The following CACTIN variants were observed in gnomAD, a reference collection of about 807,000 sequenced individuals.
CACTIN encodes the protein splicing factor Cactin.
A neutral mutation model predicts 84.9 loss-of-function variants in CACTIN; 20 were observed. The ratio of observed to expected loss-of-function variants is 0.24; its 90% CI spans 0.17 to 0.34. The LOEUF is 0.34. Ranked by LOEUF, CACTIN falls within the 10% of genes least tolerant of loss-of-function variation. CACTIN has a pLI of 1.00. For missense variants in CACTIN, 897 were observed against 1,117.2 expected, an observed-to-expected ratio of 0.80 and a Z score of 2.81; for synonymous variants, 549 against 467.9, an observed-to-expected ratio of 1.17 and a Z score of -2.24.
At chr19:3,622,130 C>T (rs1255243504) in intron 2 of CACTIN, among the ~76,000 whole-genome samples, 1 of 152,068 alleles carries the variant, frequency 6.6e-6, no homozygotes, top group Non-Finnish European at 1.5e-5. Context: ...TATTGGGAGG[C>T]CAAGGCGGGC....
In CACTIN at chr19:3,611,446, C is replaced by T. The variant is rs1057248934; in HGVS notation, c.*477G>A. 1.2e-5 allele frequency: 5 copies of T among 404,432 alleles called. No homozygotes were observed. Among genetic ancestry groups the T allele is most frequent in the African/African-American group, 2.1e-5 (1 of 47,040 alleles). The allele number at this position is 404,432 out of a possible 1,614,324, so 25.1% of individuals were successfully genotyped here. A position where few individuals can be genotyped will look rare whatever the true frequency, so the allele number is the denominator to read the frequency against. ...TCTGCCTCACGCCCAGTGGGTGCCC[C>T]GTGATGTGGCAGGGCTGGCCTTGAG... On this transcript the variant is annotated 3_prime_UTR_variant, in exon 10 of 10. Transcript: ENST00000429344.
At position 3,623,678 on chromosome 19, in the gene CACTIN, C is replaced by CG. The variant is rs137855632; in HGVS notation, c.642+9dup. On this transcript the variant is annotated intron_variant, in intron 2 of 9. Coordinates refer to ENST00000429344, the MANE Select transcript of CACTIN (RefSeq NM_001080543.2). ...TACAGGGACAGAGGCCACCACCCGGCGGGGCCCACCTTATTCCAGATGAAG... is the reference window on the plus strand; with the variant it reads ...TACAGGGACAGAGGCCACCACCCGGCGGGGGCCCACCTTATTCCAGATGAAG... The CG allele has an allele frequency of 1.7e-3, 2,698 of 1,587,780 alleles. 32 individuals carry two copies. In the East Asian group the frequency reaches 0.027, roughly 16 times the overall value.
intron 6 of CACTIN, among the ~76,000 whole-genome samples, chr19:3,618,177 C>CG (rs34337349): frequency 0.011 from 1,219 of 106,226 alleles, 40 homozygotes; most frequent in East Asian, 0.029. Context: ...GCTTTTAGAC[C>CG]GGGGGGGGGG....
chr19:3,613,335 C>A lies in CACTIN; in HGVS notation c.1509G>T (p.Pro503=), dbSNP rs952355395. 2.6e-6 allele frequency: 4 copies of A among 1,519,532 alleles called. No homozygotes were observed. In the Admixed American group the frequency reaches 8.5e-5, roughly 32 times the overall value. 94.1% of individuals were successfully genotyped at this position (1,519,532 alleles called of 1,614,324 possible). ...GGCCGCCCTCCGAGGAGGGCCCGGG[C>A]GGGGTGGGCGCCGCGTCCTCAGGCT... The part of the protein sequence containing the change: ...SLEPEDAAPT[P]PGPSSEGGPA... The change falls in exon 9 of 10, where the codon CCG becomes CCT. Residue 503 remains proline (P), a synonymous_variant. Transcript: ENST00000429344.
chr19:3,611,239 G>T lies in CACTIN; in HGVS notation c.*684C>A, dbSNP rs937908581. ...ACGCATCCTCCATACCCGCTGCGGG[G>T]AAATGGACCCCACCAGCCAGCACGG... On this transcript the variant is annotated 3_prime_UTR_variant, in exon 10 of 10. Coordinates refer to ENST00000429344, the MANE Select transcript of CACTIN (RefSeq NM_001080543.2). 1 of 442,398 alleles carries T rather than the reference G, an allele frequency of 2.3e-6. No homozygotes were observed. Among genetic ancestry groups the T allele is most frequent in the Admixed American group, 2.6e-5 (1 of 38,118 alleles). The allele number at this position is 442,398 out of a possible 1,614,324, so 27.4% of individuals were successfully genotyped here.
chr19:3,619,254 A>G lies in CACTIN; in HGVS notation c.885-12T>C. The stretch of plus-strand genomic sequence containing the variant: ...TGCGGATCTTGGAACTGTGGGGAGC[A>G]GGGGAAGGTGGCATCAGAGCCTGGG... On this transcript the variant is annotated splice_polypyrimidine_tract_variant and intron_variant, in intron 4 of 9. Coordinates refer to ENST00000429344, the MANE Select transcript of CACTIN (RefSeq NM_001080543.2). The G allele has an allele frequency of 6.2e-7, 1 of 1,611,226 alleles. No homozygotes were observed. The highest frequency in any genetic ancestry group is 8.5e-7 in the Non-Finnish European group (1 of 1,178,960).
intron 3 of CACTIN, 53 bp from the exon 4 acceptor site, chr19:3,620,325 C>A: frequency 6.6e-7 from 1 of 1,526,386 alleles, no homozygotes; most frequent in Non-Finnish European, 8.8e-7. Flanking sequence ...TGCAGGGCTG[C>A]GGGGGGAGGG....
chr19:3,613,961 G>A lies in CACTIN; in HGVS notation c.1356-375C>T. 7.3e-6 allele frequency: 3 copies of A among 412,366 alleles called. 1 individual carries two copies. In the South Asian group the frequency reaches 9.4e-5, roughly 13 times the overall value. 25.5% of individuals were successfully genotyped at this position (412,366 alleles called of 1,614,324 possible). On this transcript the variant is annotated intron_variant, in intron 7 of 9. Transcript: ENST00000429344. ...AGGAGACATGTATTTACACAGCGGT[G>A]CCAAAAACACTCCAGAAATCTGTAC...
rs2145309395 is a variant in CACTIN, at chr19:3,611,065, G to A, written c.*858C>T. The A allele has an allele frequency of 2.4e-6, 1 of 410,634 alleles. No homozygotes were observed. Among genetic ancestry groups the A allele is most frequent in the South Asian group, 1.8e-5 (1 of 57,136 alleles). The allele number at this position is 410,634 out of a possible 1,614,324, so 25.4% of individuals were successfully genotyped here. A position where few individuals can be genotyped will look rare whatever the true frequency, so the allele number is the denominator to read the frequency against. Reference sequence around the variant, plus strand: ...CTCCAAGGCCCCGTGAGCAGGCCAGGTGGGGGGATCCCTGGGGGAAGCCCC... The same window carrying A: ...CTCCAAGGCCCCGTGAGCAGGCCAGATGGGGGGATCCCTGGGGGAAGCCCC... On this transcript the variant is annotated 3_prime_UTR_variant, in exon 10 of 10. Coordinates refer to ENST00000429344, the MANE Select transcript of CACTIN (RefSeq NM_001080543.2).
Position 3,611,127 on chromosome 19 carries a change from T to C in CACTIN, c.*796A>G, listed in dbSNP as rs1399966336. The stretch of plus-strand genomic sequence containing the variant: ...CAACCCCCAGCCTTCGGGGAGCCCC[T>C]GCCCTCCAGGCCCTGTGCTCAGAGG... On this transcript the variant is annotated 3_prime_UTR_variant, in exon 10 of 10. Transcript: ENST00000429344. 5.2e-6 allele frequency: 2 copies of C among 382,390 alleles called. No homozygotes were observed. The highest frequency in any genetic ancestry group is 1.0e-5 in the Non-Finnish European group (2 of 191,296). 23.7% of individuals were successfully genotyped at this position (382,390 alleles called of 1,614,324 possible).
Position 3,613,467 on chromosome 19 carries a change from C to T in CACTIN, c.1475G>A (p.Arg492His), listed in dbSNP as rs907098575. The change falls in exon 8 of 10, where the codon CGC becomes CAC. Residue 492 changes from arginine (R) to histidine (H), a missense_variant. Coordinates refer to ENST00000429344, the MANE Select transcript of CACTIN (RefSeq NM_001080543.2). ...ILKQEPQSPSRSLEPEDAAPT... is the reference protein window; with the variant it reads ...ILKQEPQSPSHSLEPEDAAPT... The stretch of plus-strand genomic sequence containing the variant: ...CCGGGGTGCCGGCCGGGCCTACCTG[C>T]GGCTGGGGGACTGGGGCTCCTGCTT... The T allele has an allele frequency of 7.0e-6, 11 of 1,577,232 alleles. No individual in the cohort carries two copies. Among genetic ancestry groups the T allele is most frequent in the Admixed American group, 1.8e-5 (1 of 55,794 alleles).
intron 1 of CACTIN, among the ~76,000 whole-genome samples, chr19:3,626,253 ACTCCT>A (rs556531168): frequency 2.5e-4 from 38 of 151,382 alleles, no homozygotes; most frequent in Non-Finnish European, 4.7e-4. Flanking sequence ...CCCTACCCAA[ACTCCT>A]CTCAAGACTC....
chr19:3,613,901 G>A lies in CACTIN; in HGVS notation c.1356-315C>T. ...GGCCCAGCAGGACACCAGCCAACAA[G>A]CATGATAAATTTAGAGACATTTACA... On this transcript the variant is annotated intron_variant, in intron 7 of 9. Transcript: ENST00000429344. 3 of 477,198 alleles carry A rather than the reference G, an allele frequency of 6.3e-6. No homozygotes were observed. In the South Asian group the frequency reaches 9.2e-5, roughly 15 times the overall value. The allele number at this position is 477,198 out of a possible 1,614,324, so 29.6% of individuals were successfully genotyped here.
chr19:3,613,500 G>T lies in CACTIN; in HGVS notation c.1442C>A (p.Pro481His). ...GGACTGGGGCTCCTGCTTGAGGATGGGGAACAGCGGCTCGCTCTCCACGCC... is the reference window on the plus strand; with the variant it reads ...GGACTGGGGCTCCTGCTTGAGGATGTGGAACAGCGGCTCGCTCTCCACGCC... ...EQGVESEPLFPILKQEPQSPS... is the reference protein window; with the variant it reads ...EQGVESEPLFHILKQEPQSPS... Residue 481 changes from proline to histidine, a missense_variant, in exon 8 of 10, where the codon CCC becomes CAC. Transcript: ENST00000429344. 1.3e-6 allele frequency: 2 copies of T among 1,585,972 alleles called. No homozygotes were observed. The highest frequency in any genetic ancestry group is 1.7e-6 in the Non-Finnish European group (2 of 1,170,296).
chr19:3,626,723 G>T lies in CACTIN; in HGVS notation c.40C>A (p.Arg14Ser). The T allele has an allele frequency of 6.7e-7, 1 of 1,493,002 alleles. No homozygotes were observed. Among genetic ancestry groups the T allele is most frequent in the Non-Finnish European group, 8.9e-7 (1 of 1,127,658 alleles). The allele number at this position is 1,493,002 out of a possible 1,614,324, so 92.5% of individuals were successfully genotyped here. ...TGACTCTGCCGCCTTCGGCCCCGGC[G>T]ACCCGCGGACCGCGAGCGCGAGCGT... ...DTRSRSRSAG[R>S]RGRRRQSQSG... The change falls in exon 1 of 10, where the codon CGC (arginine) becomes AGC (serine). Residue 14 changes from arginine (R) to serine (S), a missense_variant. Transcript: ENST00000429344.
intron 1 of CACTIN, among the ~76,000 whole-genome samples, chr19:3,625,369 G>C (rs912386915): frequency 6.6e-6 from 1 of 152,200 alleles, no homozygotes; most frequent in Non-Finnish European, 1.5e-5. Flanking sequence ...CATATCTAGA[G>C]TGGCAAATTA....
intron 6 of CACTIN, among the ~76,000 whole-genome samples, chr19:3,617,508 CAGA>C (rs927536474): frequency 2.0e-5 from 3 of 152,118 alleles, no homozygotes; most frequent in African/African-American, 7.2e-5. Context: ...GTGGTGGAGG[CAGA>C]AGGCCATGGA....
At chr19:3,613,762 G>T in intron 7 of CACTIN, 176 bp from the exon 8 acceptor site, 1 of 770,394 alleles carries the variant, frequency 1.3e-6, no homozygotes, top group Non-Finnish European at 2.0e-6. Context: ...GCTTATGGGA[G>T]AGAGGACGAG....
chr19:3,614,464 G>A lies in CACTIN; in HGVS notation c.1288C>T (p.Pro430Ser). The A allele has an allele frequency of 1.3e-6, 2 of 1,598,700 alleles. No homozygotes were observed. Among genetic ancestry groups the A allele is most frequent in the Non-Finnish European group, 1.7e-6 (2 of 1,172,768 alleles). Residue 430 changes from proline (P) to serine (S), a missense_variant, in exon 7 of 10, where the codon CCC (proline) becomes TCC (serine). Pro to Ser is a moderately conservative substitution (Grantham distance 74). Transcript: ENST00000429344. ...TCCCAGTAGCCCATGTCCAGGTTGG[G>A]GCCACCAGCGCGGATTTTGCCCTCG... ...GIEGKIRAGG[P>S]NLDMGYWESL...
Sources: gnomAD v4.1 joint callset for allele counts (sites outside exome capture counted in the v4.1 genomes callset) on GRCh38, gnomAD v4.1.1 for gene constraint, MANE v1.5 for transcripts, NCBI Gene and HGNC (gene_info 2026-07-23, HGNC 2026-07-21) for gene names.